The following SCAF4 variants were observed in gnomAD, a reference collection of about 807,000 sequenced individuals.
SCAF4 encodes the protein SR-related and CTD-associated factor 4.
In SCAF4, 25 loss-of-function variants were observed where a neutral mutation model predicts 129.8. The ratio of observed to expected loss-of-function variants is 0.19; its 90% CI spans 0.14 to 0.27. The LOEUF (loss-of-function observed/expected upper bound fraction) is 0.27. Among genes scored for constraint, SCAF4 ranks in the 10% least tolerant of loss-of-function variants. The probability of loss-of-function intolerance (pLI) is 1.00; values close to 1 mark genes in which losing one functional copy is unlikely to be tolerated. For missense variants in SCAF4, 1,246 were observed against 1,457.1 expected (o/e 0.86, Z 2.36); for synonymous variants, 551 against 497.7 (o/e 1.11, Z -1.43).
Position 31,731,520 on chromosome 21 carries a change from C to G in SCAF4, c.30+143G>C, listed in dbSNP as rs1030920043. 9.4e-6 allele frequency: 9 copies of G among 961,020 alleles called. No homozygotes were observed. The Admixed American group carries it at 2.4e-4, about 26-fold the overall frequency. The allele number at this position is 961,020 out of a possible 1,614,324, so 59.5% of individuals were successfully genotyped here. On this transcript the variant is annotated intron_variant, in intron 1 of 19. Transcript: ENST00000286835. The stretch of plus-strand genomic sequence containing the variant: ...GCGACCTCTCCCGGGCCACAGGCCC[C>G]GCTCCGCGCAGGCCCCGCCGCCCCG...
At chr21:31,692,776 T>C (rs781710528) in intron 12 of SCAF4, among the ~76,000 whole-genome samples, 6 of 152,308 alleles carry the variant, frequency 3.9e-5, no homozygotes, top group East Asian at 1.9e-4. Context: ...AGAACTAGGA[T>C]TGGAGCTCAA....
At chr21:31,679,788 C>T (rs1421030020) in intron 19 of SCAF4, among the ~76,000 whole-genome samples, 1 of 152,028 alleles carries the variant, frequency 6.6e-6, no homozygotes, top group Non-Finnish European at 1.5e-5. Flanking sequence ...TTTTTAAATG[C>T]TTGGTTTTTT....
At position 31,693,350 on chromosome 21, in the gene SCAF4, T is replaced by G. The variant is rs1395121920; in HGVS notation, c.1457A>C (p.Lys486Thr). Reference sequence around the variant, plus strand: ...GCCTTTTTGTCGACGTTCTCTCTCTTTTTCTCGATCCCGTCTTTCTTGAGA... The same window carrying G: ...GCCTTTTTGTCGACGTTCTCTCTCTGTTTCTCGATCCCGTCTTTCTTGAGA... ...SRSQERRDRE[K>T]ERERRQKGLP... The change falls in exon 12 of 20, where the codon AAA becomes ACA. Residue 486 changes from lysine to threonine, a missense_variant. Lys to Thr is a moderately conservative substitution (Grantham distance 78, BLOSUM62 -1). Transcript: ENST00000286835. The G allele has an allele frequency of 6.5e-7, 1 of 1,548,234 alleles. No homozygotes were observed. Among genetic ancestry groups the G allele is most frequent in the East Asian group, 2.3e-5 (1 of 42,898 alleles).
intron 15 of SCAF4, 66 bp downstream of exon 15, chr21:31,690,731 T>C (rs2050240338): frequency 2.8e-5 from 40 of 1,443,296 alleles, no homozygotes; most frequent in Non-Finnish European, 3.2e-5. Context: ...GAACAGGACA[T>C]TCGATTTGTC....
At chr21:31,675,526 C>T (rs1266879492) in intron 19 of SCAF4, among the ~76,000 whole-genome samples, 3 of 152,114 alleles carry the variant, frequency 2.0e-5, no homozygotes, top group Non-Finnish European at 4.4e-5. Context: ...CAGCTCTCTG[C>T]CTTAACTGAG....
At chr21:31,723,610 ATGTGTG>A (rs368505231) in intron 1 of SCAF4, among the ~76,000 whole-genome samples, 2 of 149,224 alleles carry the variant, frequency 1.3e-5, no homozygotes, top group African/African-American at 2.5e-5. Context: ...GATTTATATG[ATGTGTG>A]TGTGTGTGTG....
intron 16 of SCAF4, 73 bp from the exon 17 acceptor site, chr21:31,685,806 G>A (rs2050108056): frequency 1.4e-6 from 2 of 1,389,824 alleles, no homozygotes; most frequent in Non-Finnish European, 9.7e-7. Flanking sequence ...ACAGATAAAA[G>A]AGCAAACTGT....
chr21:31,694,223 T>G lies in SCAF4; in HGVS notation c.1303A>C (p.Arg435=). The change falls in exon 11 of 20, where the codon AGA becomes CGA. Residue 435 remains arginine, a synonymous_variant. Transcript: ENST00000286835. ...KRHMSDNRKS[R]SRSASRSPKR... ...AATTACCTGGATGCTGACCTAGATC[T>G]TGACTTTCTGTTATCAGACATATGT... 6.2e-7 allele frequency: 1 copy of G among 1,606,790 alleles called. No homozygotes were observed.
chr21:31,720,391 T>G (rs949246692), intron 1 of SCAF4, among the ~76,000 whole-genome samples: 1 of 152,244 alleles, frequency 6.6e-6, no homozygotes, highest in African/African-American at 2.4e-5. Flanking sequence ...CCAAACCTTG[T>G]TATTCTTAAA....
At chr21:31,715,723 T>C (rs1259866212) in intron 1 of SCAF4, among the ~76,000 whole-genome samples, 1 of 152,190 alleles carries the variant, frequency 6.6e-6, no homozygotes, top group Non-Finnish European at 1.5e-5. Context: ...AAGTCAATGT[T>C]TTCTAAAAAT....
chr21:31,717,464 T>G (rs1032006054), intron 1 of SCAF4, among the ~76,000 whole-genome samples: 2 of 152,184 alleles, frequency 1.3e-5, no homozygotes, highest in African/African-American at 4.8e-5. Flanking sequence ...AATTTTTAAA[T>G]GAAAACAATT....
At chr21:31,708,248 C>A (rs2050715695) in intron 1 of SCAF4, among the ~76,000 whole-genome samples, 1 of 151,890 alleles carries the variant, frequency 6.6e-6, no homozygotes, top group South Asian at 2.1e-4. Context: ...TGGTGGCGGG[C>A]ACCTGTAGTC....
chr21:31,706,268 C>G lies in SCAF4; in HGVS notation c.114+6G>C, dbSNP rs931310581. On this transcript the variant is annotated splice_donor_region_variant and intron_variant, in intron 2 of 19. Transcript: ENST00000286835. ...GATTTCTCAAATTGCTTTATTTTAT[C>G]ATTACCTTAATAGCTTTAATAGCAG... 2.0e-6 allele frequency: 3 copies of G among 1,536,940 alleles called. No homozygotes were observed. In the African/African-American group the frequency reaches 4.2e-5, roughly 21 times the overall value.
At chr21:31,712,222 C>CTTTT (rs11408552) in intron 1 of SCAF4, among the ~76,000 whole-genome samples, 3 of 135,428 alleles carry the variant, frequency 2.2e-5, no homozygotes, top group African/African-American at 5.6e-5. Context: ...TTGTTTGTTG[C>CTTTT]TTTTTTTTTT....
Position 31,731,870 on chromosome 21 carries a change from A to AGAGGCG in SCAF4, c.-184_-179dup. ...AAGCGGCGAGGCGGGCGGCCGAGGC[A>AGAGGCG]GAGGCGGAGAGGTGGCGGGCCCCCT... On this transcript the variant is annotated 5_prime_UTR_variant, in exon 1 of 20. Transcript: ENST00000286835. 1.7e-6 allele frequency: 1 copy of AGAGGCG among 579,322 alleles called. No individual in the cohort carries two copies. Among genetic ancestry groups the AGAGGCG allele is most frequent in the South Asian group, 2.8e-5 (1 of 35,664 alleles). 35.9% of individuals were successfully genotyped at this position (579,322 alleles called of 1,614,324 possible).
chr21:31,708,095 A>G (rs775400431), intron 1 of SCAF4, among the ~76,000 whole-genome samples: 9 of 152,236 alleles, frequency 5.9e-5, no homozygotes, highest in Non-Finnish European at 8.8e-5. Flanking sequence ...CAATTAGAAA[A>G]GAAACAGTAA....
intron 7 of SCAF4, 181 bp downstream of exon 7, chr21:31,700,814 T>C (rs2050510401): frequency 1.5e-6 from 1 of 653,946 alleles, no homozygotes; most frequent in Admixed American, 2.6e-5. Context: ...ATTTTTGCAC[T>C]GAGCACATAT....
At chr21:31,716,430 G>C (rs1310002684) in intron 1 of SCAF4, among the ~76,000 whole-genome samples, 9 of 152,048 alleles carry the variant, frequency 5.9e-5, no homozygotes, top group African/African-American at 1.2e-4. Context: ...CTTCCTGTTA[G>C]ATGCAAATAT....
intron 19 of SCAF4, among the ~76,000 whole-genome samples, chr21:31,674,141 T>C (rs965584163): frequency 6.6e-6 from 1 of 152,146 alleles, no homozygotes; most frequent in Non-Finnish European, 1.5e-5. Context: ...GGCCAAAGGA[T>C]GCAAAGCCAC....
Sources: gnomAD v4.1 joint callset for allele counts (sites outside exome capture counted in the v4.1 genomes callset) on GRCh38, gnomAD v4.1.1 for gene constraint, MANE v1.5 for transcripts, NCBI Gene and HGNC (gene_info 2026-07-23, HGNC 2026-07-21) for gene names.